Variants in PDZD2 observed in about 807,000 individuals in gnomAD.
The protein encoded by PDZD2 is PDZ domain containing 2, also known as PDZ domain-containing protein 2.
A neutral mutation model predicts 220.7 loss-of-function variants in PDZD2; 90 were observed. The ratio of observed to expected loss-of-function variants is 0.41; its 90% CI spans 0.34 to 0.49. The LOEUF is 0.49. Among genes scored for constraint, PDZD2 ranks in the 20% least tolerant of loss-of-function variants. The pLI is 0.28. For synonymous variants in PDZD2, 1,375 were observed against 1,450.5 expected, an observed-to-expected ratio of 0.95 and a Z score of 1.18; for missense variants, 3,174 against 3,608.5, an observed-to-expected ratio of 0.88 and a Z score of 3.08.
chr5:32,088,042 G>A lies in PDZD2; in HGVS notation c.4594G>A (p.Glu1532Lys), dbSNP rs1187149337. ...NYSRNFSSFH[E>K]DSTSLSGLGD... The stretch of plus-strand genomic sequence containing the variant: ...CTCTAGAAATTTTAGCAGTTTTCAT[G>A]AAGACAGCACCTCCCTATCAGGCCT... The change falls in exon 20 of 25, where the codon GAA becomes AAA. Residue 1532 changes from glutamate (E) to lysine (K), a missense_variant. By Grantham distance (56) the Glu-to-Lys change is moderately conservative. This residue lies in a region of PDZD2 where 1,861 missense variants were observed against 2,001.0 expected (regional missense o/e 0.93). Transcript: ENST00000438447. This position sits in a 1 kb window ranked among gnomAD's most constrained non-coding sequence, Gnocchi z 4.6. 1.9e-6 allele frequency: 3 copies of A among 1,614,170 alleles called. No individual in the cohort carries two copies. Among genetic ancestry groups the A allele is most frequent in the Non-Finnish European group, 2.5e-6 (3 of 1,180,006 alleles).
chr5:32,005,082 C>T (rs529652758), intron 5 of PDZD2, among the ~76,000 whole-genome samples: 2 of 152,358 alleles, frequency 1.3e-5, no homozygotes, highest in East Asian at 1.9e-4. Context: ...AAAAAGATAG[C>T]AGCCTTCATG....
Position 32,104,716 on chromosome 5 carries a change from T to TAAAAA in PDZD2, c.8354-3227_8354-3223dup, listed in dbSNP as rs755177769. On this transcript the variant is annotated intron_variant, in intron 24 of 24. Coordinates refer to ENST00000438447, the MANE Select transcript of PDZD2 (RefSeq NM_178140.4). ...GCCTGGGGTCAGAGAAGGCTCCATCTAAAAAAAAAAAAAAAAAAAAAAAAA... is the reference window on the plus strand; with the variant it reads ...GCCTGGGGTCAGAGAAGGCTCCATCTAAAAAAAAAAAAAAAAAAAAAAAAAAAAAA... Among the ~76,000 whole-genome samples, 44 of 30,096 alleles carry TAAAAA rather than the reference T, an allele frequency of 1.5e-3. 1 individual carries two copies. Among genetic ancestry groups the TAAAAA allele is most frequent in the African/African-American group, 1.9e-3 (24 of 12,866 alleles). The allele number at this position is 30,096 out of a possible 152,430, so 19.7% of individuals were successfully genotyped here.
intron 14 of PDZD2, among the ~76,000 whole-genome samples, chr5:32,064,012 C>T (rs190396262): frequency 6.6e-6 from 1 of 152,286 alleles, no homozygotes; most frequent in African/African-American, 2.4e-5. Context: ...TAATTTTTTT[C>T]TCAGCATCAG....
rs189166526 is a variant in PDZD2, at chr5:31,947,937, A to G, written c.477-35218A>G. ...AACAATGTATGTGAAGGGCTTTGGG[A>G]AAGAAAGTGCCAAGCATTATATAAA... On this transcript the variant is annotated intron_variant, in intron 2 of 24. Transcript: ENST00000438447. Among the ~76,000 whole-genome samples the G allele has an allele frequency of 5.3e-5, 8 of 152,254 alleles. No homozygotes were observed. The East Asian group carries it at 1.5e-3, about 29-fold the overall frequency.
intron 1 of PDZD2, among the ~76,000 whole-genome samples, chr5:31,788,510 A>G (rs1171781567): frequency 6.6e-6 from 1 of 152,072 alleles, no homozygotes; most frequent in African/African-American, 2.4e-5. Context: ...CTAAAAATAC[A>G]AAAAATTAGC....
chr5:31,640,587 C>T (rs759397880), intron 1 of PDZD2, among the ~76,000 whole-genome samples: 1 of 152,172 alleles, frequency 6.6e-6, no homozygotes, highest in Non-Finnish European at 1.5e-5. Context: ...GCCTGTTCTC[C>T]AGTGGGGTCT....
At chr5:32,015,909 G>C (rs930747710) in intron 6 of PDZD2, among the ~76,000 whole-genome samples, 3 of 152,190 alleles carry the variant, frequency 2.0e-5, no homozygotes, top group African/African-American at 7.2e-5. Flanking sequence ...GTAAAGCTCA[G>C]CTCGGAAGAG....
intron 2 of PDZD2, among the ~76,000 whole-genome samples, chr5:31,925,753 C>G (rs1411257271): frequency 1.4e-5 from 2 of 143,872 alleles, no homozygotes; most frequent in African/African-American, 5.0e-5. Context: ...CTTAAACTAG[C>G]CAACAAGCAA....
chr5:31,896,378 G>A (rs1040270830), intron 2 of PDZD2, among the ~76,000 whole-genome samples: 3 of 150,460 alleles, frequency 2.0e-5, no homozygotes, highest in Non-Finnish European at 4.4e-5. Context: ...ATGTGTGTGT[G>A]TGAAATATCC....
At chr5:31,855,281 G>A (rs1758344358) in intron 2 of PDZD2, 2 of 224,884 alleles carry the variant, frequency 8.9e-6, no homozygotes, top group Non-Finnish European at 1.5e-5. Flanking sequence ...CCTCGGAGGC[G>A]CGGAGCGGCC....
chr5:31,968,822 C>T (rs1561218263), intron 2 of PDZD2, among the ~76,000 whole-genome samples: 1 of 151,774 alleles, frequency 6.6e-6, no homozygotes. Context: ...GCCTCCGGAA[C>T]TGTGAGAAAT....
intron 6 of PDZD2, among the ~76,000 whole-genome samples, chr5:32,027,543 T>C (rs1042008591): frequency 6.6e-6 from 1 of 151,960 alleles, no homozygotes; most frequent in Non-Finnish European, 1.5e-5. Flanking sequence ...CAGTTGCGGC[T>C]CCCCCCACTC....
chr5:31,649,634 G>T (rs1745268010), intron 1 of PDZD2, among the ~76,000 whole-genome samples: 1 of 151,940 alleles, frequency 6.6e-6, no homozygotes, highest in Non-Finnish European at 1.5e-5. Context: ...AAGGAAGAGG[G>T]TTTAAAATAT....
At chr5:31,900,419 C>G (rs1252515837) in intron 2 of PDZD2, among the ~76,000 whole-genome samples, 3 of 152,194 alleles carry the variant, frequency 2.0e-5, no homozygotes, top group Non-Finnish European at 4.4e-5. Flanking sequence ...AGTCAGCCAG[C>G]CTTCCTTACC....
rs748858531 is a variant in PDZD2 at position 32,087,864 on chromosome 5, C to G, written c.4416C>G (p.Ala1472=). 4 of 1,611,760 alleles carry G rather than the reference C, an allele frequency of 2.5e-6. No individual in the cohort carries two copies. Among genetic ancestry groups the G allele is most frequent in the Non-Finnish European group, 3.4e-6 (4 of 1,179,220 alleles). The change falls in exon 20 of 25, where the codon GCC becomes GCG. Residue 1472 remains alanine (A), a synonymous_variant. Transcript: ENST00000438447. The surrounding 1 kb of genome is among the most constrained non-coding windows in gnomAD (Gnocchi z 4.0). ...CTGGAGGTGGGAGCTCCTGCCGTGCCGAACCAGTCCCGGGGGGCCAGACCT... is the reference window on the plus strand; with the variant it reads ...CTGGAGGTGGGAGCTCCTGCCGTGCGGAACCAGTCCCGGGGGGCCAGACCT... ...AGAGGGSSCR[A]EPVPGGQTSS...
At chr5:31,969,509 CAAAAAAAAAAAAA>C (rs56755290) in intron 2 of PDZD2, among the ~76,000 whole-genome samples, 64 of 51,416 alleles carry the variant, frequency 1.2e-3, no homozygotes, top group African/African-American at 5.5e-3. Context: ...GCCCCCTCTC[CAAAAAAAAAAAAA>C]AAAAAAAAAA....
At chr5:31,716,664 G>A (rs1315672915) in intron 1 of PDZD2, among the ~76,000 whole-genome samples, 1 of 152,172 alleles carries the variant, frequency 6.6e-6, no homozygotes, top group Non-Finnish European at 1.5e-5. Context: ...TTAGCCGGGT[G>A]TGGTGGTGGG....
intron 1 of PDZD2, among the ~76,000 whole-genome samples, chr5:31,687,897 C>T (rs1477378526): frequency 6.6e-6 from 1 of 152,140 alleles, no homozygotes; most frequent in South Asian, 2.1e-4. Context: ...CTTGTCCCTG[C>T]CTCCAGTGCA....
intron 1 of PDZD2, among the ~76,000 whole-genome samples, chr5:31,768,559 T>G (rs972151458): frequency 6.6e-6 from 1 of 151,828 alleles, no homozygotes; most frequent in Admixed American, 6.6e-5. Context: ...AGAGAATTGC[T>G]TGAACCCAGG....
Sources: allele counts gnomAD v4.1 joint callset (sites outside exome capture counted in the v4.1 genomes callset), GRCh38; gene constraint gnomAD v4.1.1; regional missense constraint gnomAD v4.1.1; non-coding constraint Gnocchi (gnomAD v3.1); transcripts MANE v1.5; gene names NCBI Gene and HGNC (gene_info 2026-07-23, HGNC 2026-07-21).